The following HHIP variants were observed in gnomAD, a reference collection of about 807,000 sequenced individuals.
HHIP encodes hedgehog-interacting protein.
A neutral mutation model predicts 74.0 loss-of-function variants in HHIP; 12 were observed. The observed-to-expected ratio is 0.16, with a 90% CI of 0.10 to 0.26. The LOEUF (loss-of-function observed/expected upper bound fraction) is 0.26. HHIP is among the 10% of genes least tolerant of loss of function. The pLI, the probability that HHIP is intolerant of heterozygous loss-of-function variation, is 1.00. For missense variants in HHIP, 788 were observed against 845.0 expected (o/e 0.93, Z 0.84); for synonymous variants, 309 against 311.6 (o/e 0.99, Z 0.09).
intron 4 of HHIP, among the ~76,000 whole-genome samples, chr4:144,675,806 T>TAGTA (rs1729155126): frequency 6.6e-6 from 1 of 152,138 alleles, no homozygotes. Flanking sequence ...GGTATATGAG[T>TAGTA]AGTACATAGA....
At chr4:144,687,007 T>G (rs1729504952) in intron 4 of HHIP, among the ~76,000 whole-genome samples, 1 of 151,894 alleles carries the variant, frequency 6.6e-6, no homozygotes, top group African/African-American at 2.4e-5. Flanking sequence ...ACAGAGTGGC[T>G]TAAAATAAAT....
intron 11 of HHIP, among the ~76,000 whole-genome samples, chr4:144,732,986 TG>T (rs1472302963): frequency 6.6e-6 from 1 of 152,198 alleles, no homozygotes. Flanking sequence ...CTGCTCTTCT[TG>T]TGGTCAGAAA....
rs1016796801 is a variant in HHIP, at chr4:144,740,381, G to GC, written c.*2428dup. The GC allele has an allele frequency of 6.6e-6, 1 of 152,042 alleles. No individual in the cohort carries two copies. 9.4% of individuals were successfully genotyped at this position (152,042 alleles called of 1,614,324 possible). A position where few individuals can be genotyped will look rare whatever the true frequency, so the allele number is the denominator to read the frequency against. ...TCAAGTGACTTAGAAAAACATATGT[G>GC]CCCCAGGTGTCATTGCCTTTTCTTT... On this transcript the variant is annotated 3_prime_UTR_variant, in exon 13 of 13. Coordinates refer to ENST00000296575, the MANE Select transcript of HHIP (RefSeq NM_022475.3).
chr4:144,672,848 C>T (rs559832701), intron 4 of HHIP, among the ~76,000 whole-genome samples: 11 of 152,114 alleles, frequency 7.2e-5, no homozygotes, highest in African/African-American at 2.4e-4. Flanking sequence ...ATTACAGGCA[C>T]CTGCCACCAT....
At chr4:144,653,204 A>T (rs1728471639) in intron 2 of HHIP, among the ~76,000 whole-genome samples, 1 of 152,144 alleles carries the variant, frequency 6.6e-6, no homozygotes, top group East Asian at 1.9e-4. Flanking sequence ...AAGTCCACTG[A>T]CTTGTAAGAT....
At chr4:144,693,622 T>C (rs1400880362) in intron 4 of HHIP, among the ~76,000 whole-genome samples, 1 of 151,974 alleles carries the variant, frequency 6.6e-6, no homozygotes, top group Non-Finnish European at 1.5e-5. Flanking sequence ...TAGACTTTCT[T>C]TATAAATCCT....
intron 4 of HHIP, among the ~76,000 whole-genome samples, chr4:144,668,236 G>C (rs1204149725): frequency 1.3e-5 from 2 of 151,926 alleles, no homozygotes; most frequent in African/African-American, 4.8e-5. Context: ...AGAATCACTT[G>C]AACCCCGGAG....
At chr4:144,671,284 A>G (rs1196592569) in intron 4 of HHIP, among the ~76,000 whole-genome samples, 2 of 150,804 alleles carry the variant, frequency 1.3e-5, no homozygotes, top group South Asian at 2.1e-4. Context: ...CTTAATTGCA[A>G]CCTACAAACA....
At chr4:144,667,879 C>T (rs1296661587) in intron 4 of HHIP, among the ~76,000 whole-genome samples, 1 of 152,046 alleles carries the variant, frequency 6.6e-6, no homozygotes, top group African/African-American at 2.4e-5. Flanking sequence ...CATATTTTTG[C>T]CCACTAGCAA....
chr4:144,688,802 C>T (rs1029921468), intron 4 of HHIP, among the ~76,000 whole-genome samples: 1 of 143,484 alleles, frequency 7.0e-6, no homozygotes, highest in Non-Finnish European at 1.5e-5. Context: ...AAGTCATTCT[C>T]ATACACAAAA....
chr4:144,694,993 T>C (rs1478698442), intron 4 of HHIP, among the ~76,000 whole-genome samples: 3 of 151,870 alleles, frequency 2.0e-5, no homozygotes, highest in Admixed American at 2.0e-4. Flanking sequence ...GCATTTGTCT[T>C]TATTATAGAC....
chr4:144,681,359 A>C (rs1184422801), intron 4 of HHIP, among the ~76,000 whole-genome samples: 1 of 152,134 alleles, frequency 6.6e-6, no homozygotes, highest in Non-Finnish European at 1.5e-5. Flanking sequence ...CATAAAAAAA[A>C]AGCCTTTGCT....
At chr4:144,722,046 C>T (rs192492694) in intron 11 of HHIP, among the ~76,000 whole-genome samples, 357 of 152,238 alleles carry the variant, frequency 2.3e-3, no homozygotes, top group African/African-American at 8.2e-3. Context: ...GTCAAATCAA[C>T]ACCAGTCACC....
At chr4:144,664,016 G>A (rs191928993) in intron 4 of HHIP, among the ~76,000 whole-genome samples, 79 of 152,278 alleles carry the variant, frequency 5.2e-4, no homozygotes, top group Admixed American at 1.5e-3. Context: ...ACCATTCTCC[G>A]CCACTTAGTT....
intron 7 of HHIP, among the ~76,000 whole-genome samples, chr4:144,710,640 A>G (rs1001864436): frequency 3.8e-4 from 58 of 152,170 alleles, no homozygotes; most frequent in African/African-American, 1.4e-3. Flanking sequence ...GTGATTCTCA[A>G]TGGGATAATT....
intron 12 of HHIP, among the ~76,000 whole-genome samples, chr4:144,737,134 C>T (rs6826012): frequency 0.38 from 57,168 of 152,012 alleles, 13,430 homozygotes; most frequent in South Asian, 0.54. Flanking sequence ...TGTAGGGTAA[C>T]CCTGAAAAGG....
chr4:144,704,191 T>C (rs1038703499), intron 4 of HHIP, among the ~76,000 whole-genome samples: 1 of 152,214 alleles, frequency 6.6e-6, no homozygotes, highest in Non-Finnish European at 1.5e-5. Flanking sequence ...AGTGTAGTTA[T>C]GAAAGTGAGT....
intron 4 of HHIP, among the ~76,000 whole-genome samples, chr4:144,681,508 C>T (rs1448662446): frequency 6.6e-6 from 1 of 150,930 alleles, no homozygotes; most frequent in South Asian, 2.1e-4. Flanking sequence ...TCACTGCAGC[C>T]TCCGCATCCT....
At chr4:144,707,769 T>C (rs574284571) in intron 6 of HHIP, among the ~76,000 whole-genome samples, 2 of 152,124 alleles carry the variant, frequency 1.3e-5, no homozygotes, top group Admixed American at 6.6e-5. Context: ...ATTTATTTTA[T>C]TTAATTATTC....
Sources: allele counts gnomAD v4.1 joint callset (sites outside exome capture counted in the v4.1 genomes callset), GRCh38; gene constraint gnomAD v4.1.1; transcripts MANE v1.5; gene names NCBI Gene and HGNC (gene_info 2026-07-23, HGNC 2026-07-21).